STAM: variants seen among roughly 807,000 people sequenced by gnomAD.
STAM encodes signal transducing adapter molecule 1.
Under a neutral mutation model 63.4 loss-of-function variants are expected in STAM, and 16 were observed. The ratio of observed to expected loss-of-function variants is 0.25; its 90% CI spans 0.17 to 0.38. The LOEUF (loss-of-function observed/expected upper bound fraction) is 0.38, where lower values mean the gene tolerates loss of function less well. Ranked by LOEUF, STAM falls within the 10% of genes least tolerant of loss-of-function variation. The pLI, the probability that STAM is intolerant of heterozygous loss-of-function variation, is 1.00. For synonymous variants in STAM, 238 were observed against 223.9 expected (o/e 1.06, Z -0.56); for missense variants, 636 against 657.1 (o/e 0.97, Z 0.35).
At chr10:17,698,227 C>G (rs1263901304) in intron 8 of STAM, among the ~76,000 whole-genome samples, 2 of 152,088 alleles carry the variant, frequency 1.3e-5, no homozygotes, top group East Asian at 1.9e-4. Context: ...TGTGAGAATT[C>G]AAAAACATGT....
intron 1 of STAM, 131 bp downstream of exon 1, chr10:17,644,510 C>A: frequency 9.1e-7 from 1 of 1,104,718 alleles, no homozygotes; most frequent in Non-Finnish European, 1.3e-6. Flanking sequence ...CTGAGGCTCC[C>A]TCCTTCAGAG....
intron 4 of STAM, among the ~76,000 whole-genome samples, chr10:17,685,741 C>G (rs1196579861): frequency 6.6e-6 from 1 of 152,142 alleles, no homozygotes; most frequent in Non-Finnish European, 1.5e-5. Context: ...CAGAGCGGGA[C>G]AAGGCACTCT....
intron 2 of STAM, among the ~76,000 whole-genome samples, chr10:17,681,380 G>C (rs1042083322): frequency 6.6e-6 from 1 of 151,326 alleles, no homozygotes; most frequent in Non-Finnish European, 1.5e-5. Flanking sequence ...TGATTTTCAC[G>C]TATTTTAATT....
rs528091973 is a variant in STAM at position 17,648,240 on chromosome 10, G to T, written c.40+3861G>T. Among the ~76,000 whole-genome samples the T allele has an allele frequency of 2.7e-4, 41 of 152,252 alleles. No individual in the cohort carries two copies. The South Asian group carries it at 6.0e-3, about 22-fold the overall frequency. On this transcript the variant is annotated intron_variant, in intron 1 of 13. Transcript: ENST00000377524. ...TTACAAGGGGATTGTAAAATGCACC[G>T]ATCAGTGCTCTGTAAAAACGCACCA...
chr10:17,652,669 C>A (rs1488693566), intron 1 of STAM, among the ~76,000 whole-genome samples: 2 of 150,768 alleles, frequency 1.3e-5, no homozygotes, highest in Admixed American at 6.6e-5. Context: ...AAAAAAAAAA[C>A]AACCTGCTTG....
intron 1 of STAM, among the ~76,000 whole-genome samples, chr10:17,650,041 G>A (rs1434945809): frequency 6.6e-6 from 1 of 152,204 alleles, no homozygotes; most frequent in African/African-American, 2.4e-5. Flanking sequence ...TGTGTTCCCA[G>A]TCAGACTGCT....
At chr10:17,660,406 A>G (rs2131582428) in intron 1 of STAM, 58 bp from the exon 2 acceptor site, 1 of 1,154,538 alleles carries the variant, frequency 8.7e-7, no homozygotes, top group Non-Finnish European at 1.2e-6. Flanking sequence ...AAATGTGATT[A>G]TGTATCTTTT....
At chr10:17,658,572 G>A (rs896789541) in intron 1 of STAM, among the ~76,000 whole-genome samples, 1 of 152,032 alleles carries the variant, frequency 6.6e-6, no homozygotes, top group Non-Finnish European at 1.5e-5. Flanking sequence ...GTGCAGTGGT[G>A]CAATCTTGGT....
rs1010776839 is a variant in STAM at position 17,716,170 on chromosome 10, T to G, written c.*1390T>G. 6.6e-6 allele frequency among the ~76,000 whole-genome samples: 1 copy of G among 152,134 alleles called. No individual in the cohort carries two copies. The highest frequency in any genetic ancestry group is 1.5e-5 in the Non-Finnish European group (1 of 67,994). Reference sequence around the variant, plus strand: ...CTATTTAAACAACGGAAAAGTTGAGTCGAACATCATATTTAATGAATTGAT... The same window carrying G: ...CTATTTAAACAACGGAAAAGTTGAGGCGAACATCATATTTAATGAATTGAT... On this transcript the variant is annotated 3_prime_UTR_variant, in exon 14 of 14. Transcript: ENST00000377524.
At chr10:17,645,436 A>AAAAAGTTC in intron 1 of STAM, among the ~76,000 whole-genome samples, 1 of 152,334 alleles carries the variant, frequency 6.6e-6, no homozygotes, top group African/African-American at 2.4e-5. Flanking sequence ...TAAGAGTAGA[A>AAAAAGTTC]AAAAGTTCAC....
intron 8 of STAM, among the ~76,000 whole-genome samples, chr10:17,698,733 A>G (rs567085442): frequency 6.6e-6 from 1 of 152,222 alleles, no homozygotes; most frequent in African/African-American, 2.4e-5. Context: ...TATATAAATA[A>G]TATATTTTTT....
At chr10:17,654,835 C>T (rs1281560357) in intron 1 of STAM, among the ~76,000 whole-genome samples, 1 of 152,118 alleles carries the variant, frequency 6.6e-6, no homozygotes, top group East Asian at 1.9e-4. Context: ...GAACTCTTGG[C>T]ATTCTGATGT....
intron 5 of STAM, among the ~76,000 whole-genome samples, chr10:17,691,454 C>G (rs937910229): frequency 3.3e-5 from 5 of 152,094 alleles, no homozygotes; most frequent in Admixed American, 3.3e-4. Context: ...GGAGGCGGAG[C>G]TTGCAGTGAG....
At position 17,657,963 on chromosome 10, in the gene STAM, C is replaced by T. The variant is rs1834008857; in HGVS notation, c.41-2501C>T. Reference sequence around the variant, plus strand: ...TCTGTATTGGTCTTATGTTCAGATTCATTGGTTTCTGCTCTAATTTTTGTT... The same window carrying T: ...TCTGTATTGGTCTTATGTTCAGATTTATTGGTTTCTGCTCTAATTTTTGTT... On this transcript the variant is annotated intron_variant, in intron 1 of 13. Transcript: ENST00000377524. Among the ~76,000 whole-genome samples, 3 of 151,010 alleles carry T rather than the reference C, an allele frequency of 2.0e-5. No individual in the cohort carries two copies. The South Asian group carries it at 6.3e-4, about 31-fold the overall frequency.
intron 1 of STAM, 76 bp downstream of exon 1, chr10:17,644,455 G>A: frequency 1.3e-6 from 2 of 1,575,176 alleles, no homozygotes; most frequent in Non-Finnish European, 1.7e-6. Flanking sequence ...CCTGCATTCA[G>A]GACCCTCGGG....
chr10:17,688,523 C>T (rs1343703741), intron 5 of STAM, among the ~76,000 whole-genome samples: 4 of 152,062 alleles, frequency 2.6e-5, no homozygotes, highest in African/African-American at 4.8e-5. Flanking sequence ...AGTGCAGTAG[C>T]GTGATCTCGG....
At chr10:17,714,436 AATGAATTGACTAT>A in intron 13 of STAM, 94 bp from the exon 14 acceptor site, 1 of 1,072,396 alleles carries the variant, frequency 9.3e-7, no homozygotes, top group Non-Finnish European at 1.4e-6. Flanking sequence ...AAGGTTATTA[AATGAATTGACTAT>A]ATGAATGAAT....
intron 1 of STAM, among the ~76,000 whole-genome samples, chr10:17,650,598 C>A (rs1311276389): frequency 1.3e-5 from 2 of 152,034 alleles, no homozygotes; most frequent in African/African-American, 4.8e-5. Context: ...TGCCAGATAC[C>A]CTGGTACCGA....
intron 2 of STAM, among the ~76,000 whole-genome samples, chr10:17,662,671 A>G (rs782121607): frequency 6.6e-6 from 1 of 152,218 alleles, no homozygotes; most frequent in Non-Finnish European, 1.5e-5. Flanking sequence ...CCATTTAGCT[A>G]TGTCATACTG....
Sources: allele counts gnomAD v4.1 joint callset (sites outside exome capture counted in the v4.1 genomes callset), GRCh38; gene constraint gnomAD v4.1.1; transcripts MANE v1.5; gene names NCBI Gene and HGNC (gene_info 2026-07-23, HGNC 2026-07-21).